CNTNAP2: variants seen among roughly 807,000 people sequenced by gnomAD.
The protein encoded by CNTNAP2 is contactin-associated protein-like 2.
In CNTNAP2, 98 loss-of-function variants were observed where a neutral mutation model predicts 155.2. That is an observed-to-expected ratio of 0.63 (90% CI 0.54 to 0.75). The LOEUF (loss-of-function observed/expected upper bound fraction) is 0.75, where lower values mean the gene tolerates loss of function less well. Ranked by LOEUF, CNTNAP2 falls within the 30% of genes least tolerant of loss-of-function variation. The probability of loss-of-function intolerance (pLI) is 0.00; values close to 1 mark genes in which losing one functional copy is unlikely to be tolerated. For missense variants in CNTNAP2, 1,727 were observed against 1,688.1 expected (o/e 1.02, Z -0.40); for synonymous variants, 651 against 631.2 (o/e 1.03, Z -0.47).
At chr7:147,601,114 C>T (rs1438783635) in intron 12 of CNTNAP2, among the ~76,000 whole-genome samples, 3 of 152,092 alleles carry the variant, frequency 2.0e-5, no homozygotes, top group African/African-American at 7.2e-5. Context: ...AACAGGTTTC[C>T]ATTCACAGCC....
chr7:146,462,550 T>A (rs1446267810), intron 1 of CNTNAP2, among the ~76,000 whole-genome samples: 1 of 152,204 alleles, frequency 6.6e-6, no homozygotes, highest in Non-Finnish European at 1.5e-5. Context: ...TTTATTAAAG[T>A]AACACTGCTC....
intron 1 of CNTNAP2, among the ~76,000 whole-genome samples, chr7:146,172,625 A>G (rs1264962390): frequency 6.6e-6 from 1 of 152,120 alleles, no homozygotes; most frequent in Non-Finnish European, 1.5e-5. Context: ...CCACCACACT[A>G]GATCTTCAAT....
At chr7:147,498,757 A>G (rs1372742417) in intron 11 of CNTNAP2, among the ~76,000 whole-genome samples, 2 of 152,162 alleles carry the variant, frequency 1.3e-5, no homozygotes, top group African/African-American at 4.8e-5. Context: ...AAGGATTTGA[A>G]TTAGGATTTC....
At chr7:147,159,278 G>C (rs973669918) in intron 8 of CNTNAP2, among the ~76,000 whole-genome samples, 8 of 152,184 alleles carry the variant, frequency 5.3e-5, no homozygotes, top group African/African-American at 1.4e-4. Flanking sequence ...ATAGGTAAGA[G>C]AATCATATGA....
In CNTNAP2 at chr7:146,293,383, G is replaced by A. The variant is rs114294275; in HGVS notation, c.97+176410G>A. On this transcript the variant is annotated intron_variant, in intron 1 of 23. Transcript: ENST00000361727. Reference sequence around the variant, plus strand: ...TTTAATAAAAATGGATTAGAAAATCGCTCTGTATAATTAATAGTTTGACCT... The same window carrying A: ...TTTAATAAAAATGGATTAGAAAATCACTCTGTATAATTAATAGTTTGACCT... Among the ~76,000 whole-genome samples, 764 of 152,160 alleles carry A rather than the reference G, an allele frequency of 5.0e-3. 6 individuals are homozygous for A. The highest frequency in any genetic ancestry group is 0.018 in the African/African-American group (732 of 41,524).
At chr7:148,050,387 T>C (rs1343048972) in intron 15 of CNTNAP2, among the ~76,000 whole-genome samples, 2 of 152,102 alleles carry the variant, frequency 1.3e-5, no homozygotes, top group African/African-American at 4.8e-5. Context: ...ACAACAAATA[T>C]TTAAAGTACA....
At position 146,486,694 on chromosome 7, in the gene CNTNAP2, A is replaced by G. The variant is rs116694083; in HGVS notation, c.98-287577A>G. ...AACTTTACGATGATAAATGTGACAG[A>G]TCTGGGAGCAAGTTTAATTGCCAGG... On this transcript the variant is annotated intron_variant, in intron 1 of 23. Coordinates refer to ENST00000361727, the MANE Select transcript of CNTNAP2 (RefSeq NM_014141.6). Among the ~76,000 whole-genome samples, 261 of 152,262 alleles carry G rather than the reference A, an allele frequency of 1.7e-3. 1 individual carries two copies. Among genetic ancestry groups the G allele is most frequent in the African/African-American group, 6.0e-3 (250 of 41,556 alleles).
chr7:146,855,369 G>T (rs1794953708), intron 3 of CNTNAP2, among the ~76,000 whole-genome samples: 1 of 152,032 alleles, frequency 6.6e-6, no homozygotes, highest in African/African-American at 2.4e-5. Context: ...AACATAAAAA[G>T]TCATACGCAC....
At chr7:147,267,043 A>G (rs528732175) in intron 8 of CNTNAP2, among the ~76,000 whole-genome samples, 21 of 152,340 alleles carry the variant, frequency 1.4e-4, no homozygotes, top group South Asian at 8.3e-4. Context: ...TTCATTTTCA[A>G]TAGGGGATTT....
intron 11 of CNTNAP2, among the ~76,000 whole-genome samples, chr7:147,535,935 A>T (rs1365059030): frequency 1.3e-5 from 2 of 152,216 alleles, no homozygotes; most frequent in Non-Finnish European, 2.9e-5. Flanking sequence ...ATATATCAAG[A>T]GGCAGTCCTG....
chr7:146,511,380 A>T (rs1797463594), intron 1 of CNTNAP2, among the ~76,000 whole-genome samples: 3 of 152,180 alleles, frequency 2.0e-5, no homozygotes, highest in Non-Finnish European at 2.9e-5. Context: ...CTCAAAGGAA[A>T]GGGTTTCAAT....
chr7:146,539,214 C>T (rs1563126158), intron 1 of CNTNAP2, among the ~76,000 whole-genome samples: 1 of 150,188 alleles, frequency 6.7e-6, no homozygotes, highest in Non-Finnish European at 1.5e-5. Context: ...ATTCTGCAAC[C>T]CCTGTGTAAG....
chr7:148,338,928 G>A (rs573364394), intron 21 of CNTNAP2, among the ~76,000 whole-genome samples: 1 of 152,250 alleles, frequency 6.6e-6, no homozygotes, highest in South Asian at 2.1e-4. Context: ...TGAGAGTGAA[G>A]GAGGCCACAC....
intron 10 of CNTNAP2, among the ~76,000 whole-genome samples, chr7:147,477,360 G>A (rs535838918): frequency 3.4e-4 from 51 of 152,212 alleles, no homozygotes; most frequent in African/African-American, 9.4e-4. Context: ...AATATCTGAG[G>A]CATCTTAATT....
chr7:146,928,188 T>C (rs916867474), intron 3 of CNTNAP2, among the ~76,000 whole-genome samples: 4 of 152,176 alleles, frequency 2.6e-5, no homozygotes, highest in South Asian at 2.1e-4. Context: ...TAAACAAGTG[T>C]CCAAAAGTTC....
chr7:148,106,900 G>T (rs901973931), intron 15 of CNTNAP2, among the ~76,000 whole-genome samples: 1 of 152,076 alleles, frequency 6.6e-6, no homozygotes, highest in African/African-American at 2.4e-5. Context: ...GGACAGGAAG[G>T]CCACAAGTTC....
intron 8 of CNTNAP2, among the ~76,000 whole-genome samples, chr7:147,143,584 A>G (rs550735264): frequency 6.6e-6 from 1 of 152,082 alleles, no homozygotes; most frequent in East Asian, 1.9e-4. Context: ...TTTTTAATGT[A>G]CTGATACCAA....
chr7:148,180,020 A>C (rs559488011), intron 18 of CNTNAP2, among the ~76,000 whole-genome samples: 142 of 152,316 alleles, frequency 9.3e-4, no homozygotes, highest in African/African-American at 3.2e-3. Context: ...CAGGTTGGAG[A>C]GAAAATTAAT....
At chr7:146,458,510 A>G (rs1796589517) in intron 1 of CNTNAP2, among the ~76,000 whole-genome samples, 1 of 152,188 alleles carries the variant, frequency 6.6e-6, no homozygotes, top group African/African-American at 2.4e-5. Flanking sequence ...CTACAACATT[A>G]GACAGTAGGG....
Sources: allele counts gnomAD v4.1 joint callset (sites outside exome capture counted in the v4.1 genomes callset), GRCh38; gene constraint gnomAD v4.1.1; transcripts MANE v1.5; gene names NCBI Gene and HGNC (gene_info 2026-07-23, HGNC 2026-07-21).